SLC9B2: variants seen among roughly 807,000 people sequenced by gnomAD.
SLC9B2 encodes the protein solute carrier family 9 member B2.
SLC9B2 carries 39 observed loss-of-function variants against 52.2 expected under a neutral mutation model. The ratio of observed to expected loss-of-function variants is 0.75; its 90% CI spans 0.58 to 0.98. The LOEUF (loss-of-function observed/expected upper bound fraction) is 0.98. Ranked by LOEUF, SLC9B2 falls within the 50% of genes least tolerant of loss-of-function variation. The pLI is 0.00. For synonymous variants in SLC9B2, 214 were observed against 227.0 expected, an observed-to-expected ratio of 0.94 and a Z score of 0.51; for missense variants, 626 against 637.5, an observed-to-expected ratio of 0.98 and a Z score of 0.19.
chr4:103,068,714 A>G (rs1212227689), intron 1 of SLC9B2, among the ~76,000 whole-genome samples: 2 of 152,208 alleles, frequency 1.3e-5, no homozygotes, highest in African/African-American at 4.8e-5. Flanking sequence ...AACAAGTAGA[A>G]TGAGTATCTT....
Position 103,022,855 on chromosome 4 carries a change from G to T in SLC9B2, c.*3515C>A, listed in dbSNP as rs758348031. Among the ~76,000 whole-genome samples, 1 of 152,156 alleles carries T rather than the reference G, an allele frequency of 6.6e-6. No homozygotes were observed. The highest frequency in any genetic ancestry group is 1.5e-5 in the Non-Finnish European group (1 of 68,030). On this transcript the variant is annotated 3_prime_UTR_variant, in exon 12 of 12. Transcript: ENST00000394785. ...CATGAGGGTAGGGCCCTCATGCTGTGATTAGAGTACCCTTATAAGAAGAGA... is the reference window on the plus strand; with the variant it reads ...CATGAGGGTAGGGCCCTCATGCTGTTATTAGAGTACCCTTATAAGAAGAGA...
intron 11 of SLC9B2, 71 bp from the exon 12 acceptor site, chr4:103,026,662 T>G: frequency 6.9e-7 from 1 of 1,448,258 alleles, no homozygotes; most frequent in South Asian, 1.3e-5. Flanking sequence ...AGTTTTTTAT[T>G]GTTTGCAAAA....
downstream of SLC9B2, among the ~76,000 whole-genome samples, chr4:103,019,038 A>AC (rs974318271): frequency 1.8e-4 from 28 of 151,916 alleles, no homozygotes; most frequent in Non-Finnish European, 1.0e-4. Context: ...CTTGCCCCCC[A>AC]CCCCAAACTG....
chr4:103,054,215 G>A (rs1185775057), intron 4 of SLC9B2, among the ~76,000 whole-genome samples: 2 of 152,290 alleles, frequency 1.3e-5, no homozygotes, highest in Non-Finnish European at 2.9e-5. Flanking sequence ...GATGCAGTGA[G>A]CCATGATTGT....
At chr4:103,021,633 A>G (rs13151569), downstream of SLC9B2, among the ~76,000 whole-genome samples, 57,766 of 152,018 alleles carry the variant, frequency 0.38, 11,042 homozygotes, top group African/African-American at 0.45. Context: ...ATTTTTTAAA[A>G]CTATACATGA....
chr4:103,061,667 A>T lies in SLC9B2; in HGVS notation c.272-3696T>A, dbSNP rs186666315. Among the ~76,000 whole-genome samples the T allele has an allele frequency of 2.7e-3, 403 of 151,546 alleles. 14 individuals carry two copies. In the East Asian group the frequency reaches 0.062, roughly 23 times the overall value. ...TAAAACTTAAAGTATAATAATAATT[A>T]AAAAAAAAGTTCCCTGAGGTTTGGT... On this transcript the variant is annotated intron_variant, in intron 3 of 11. Transcript: ENST00000394785.
chr4:103,068,260 C>G (rs192037417), intron 1 of SLC9B2, among the ~76,000 whole-genome samples: 3 of 152,272 alleles, frequency 2.0e-5, no homozygotes, highest in African/African-American at 7.2e-5. Flanking sequence ...CGGATTGGCT[C>G]AATAAACACT....
chr4:103,071,100 G>A (rs984074303), intron 1 of SLC9B2, among the ~76,000 whole-genome samples: 2 of 151,970 alleles, frequency 1.3e-5, no homozygotes, highest in East Asian at 3.8e-4. Context: ...CTTTGGGAAG[G>A]GAAATGGAAG....
chr4:103,045,136 T>C lies in SLC9B2; in HGVS notation c.890-140A>G, dbSNP rs191827091. The C allele has an allele frequency of 1.9e-5, 12 of 621,170 alleles. 1 individual carries two copies. The highest frequency in any genetic ancestry group is 5.7e-5 in the East Asian group (2 of 35,172). The allele number at this position is 621,170 out of a possible 1,614,324, so 38.5% of individuals were successfully genotyped here. A position where few individuals can be genotyped will look rare whatever the true frequency, so the allele number is the denominator to read the frequency against. ...TTTCTGCTTTCCATATTCTTAAATA[T>C]GTAAGTGGAACCTACATTTTCCCCC... is the stretch of plus-strand genomic sequence containing the variant. On this transcript the variant is annotated intron_variant, in intron 7 of 11. Coordinates refer to ENST00000394785, the MANE Select transcript of SLC9B2 (RefSeq NM_178833.7).
intron 3 of SLC9B2, among the ~76,000 whole-genome samples, chr4:103,060,476 G>C (rs1229123904): frequency 7.1e-6 from 1 of 140,160 alleles, no homozygotes; most frequent in Non-Finnish European, 1.6e-5. Context: ...CTTATATTCT[G>C]TTTTCTGATA....
chr4:103,018,722 A>C (rs1741549081), downstream of SLC9B2, among the ~76,000 whole-genome samples: 1 of 152,138 alleles, frequency 6.6e-6, no homozygotes, highest in Admixed American at 6.5e-5. Flanking sequence ...CTACTGATTG[A>C]TGTGACAGAC....
chr4:103,057,780 C>G (rs775408551), intron 4 of SLC9B2, 21 bp downstream of exon 4: 12 of 1,605,614 alleles, frequency 7.5e-6, no homozygotes, highest in Non-Finnish European at 9.3e-6. Flanking sequence ...CTGGATAGAA[C>G]AGGAAACATT....
chr4:103,061,219 T>C (rs911452498), intron 3 of SLC9B2, among the ~76,000 whole-genome samples: 4 of 152,178 alleles, frequency 2.6e-5, no homozygotes, highest in Non-Finnish European at 5.9e-5. Context: ...CGTACGTTTA[T>C]TGAGGCACTA....
At chr4:103,063,689 A>G (rs1275134900) in intron 3 of SLC9B2, among the ~76,000 whole-genome samples, 1 of 152,218 alleles carries the variant, frequency 6.6e-6, no homozygotes, top group African/African-American at 2.4e-5. Context: ...AAGCAAGAAC[A>G]GACAAACCAG....
intron 4 of SLC9B2, among the ~76,000 whole-genome samples, chr4:103,055,497 C>T: frequency 6.6e-6 from 1 of 152,090 alleles, no homozygotes. Flanking sequence ...TTTAGTTTTA[C>T]CTAAAATTAG....
chr4:103,031,929 T>A, intron 9 of SLC9B2, 121 bp from the exon 10 acceptor site: 1 of 947,716 alleles, frequency 1.1e-6, no homozygotes, highest in Non-Finnish European at 1.6e-6. Context: ...GTGCCATCTA[T>A]AACTAAAAGG....
At chr4:103,045,318 T>C (rs1356651508) in intron 7 of SLC9B2, among the ~76,000 whole-genome samples, 3 of 152,212 alleles carry the variant, frequency 2.0e-5, no homozygotes, top group African/African-American at 7.2e-5. Flanking sequence ...CTTGTTATTA[T>C]GGCAATCATT....
chr4:103,051,987 A>G (rs944362670), intron 4 of SLC9B2, among the ~76,000 whole-genome samples: 4 of 152,220 alleles, frequency 2.6e-5, no homozygotes, highest in East Asian at 1.9e-4. Context: ...CAGGTTTTTC[A>G]TTATAAACAG....
rs200051574 is a variant in SLC9B2 at position 103,036,651 on chromosome 4, CT to C, written c.1147-4844del. On this transcript the variant is annotated intron_variant, in intron 9 of 11. Coordinates refer to ENST00000394785, the MANE Select transcript of SLC9B2 (RefSeq NM_178833.7). ...TGAAACACAAATTAAATTGACATGCCTTTTTTTTTTTTCAAGGGGGAACACC... is the reference window on the plus strand; with the variant it reads ...TGAAACACAAATTAAATTGACATGCCTTTTTTTTTTTCAAGGGGGAACACC... 3.5e-3 allele frequency among the ~76,000 whole-genome samples: 477 copies of C among 136,300 alleles called. 14 individuals are homozygous for C. The East Asian group carries it at 0.057, about 16-fold the overall frequency. The allele number at this position is 136,300 out of a possible 152,430, so 89.4% of individuals were successfully genotyped here. A position where few individuals can be genotyped will look rare whatever the true frequency, so the allele number is the denominator to read the frequency against.
Sources: allele counts gnomAD v4.1 joint callset (sites outside exome capture counted in the v4.1 genomes callset), GRCh38; gene constraint gnomAD v4.1.1; transcripts MANE v1.5; gene names NCBI Gene and HGNC (gene_info 2026-07-23, HGNC 2026-07-21).